EXOC6B: variants seen among roughly 807,000 people sequenced by gnomAD.
The protein encoded by EXOC6B is SEC15 homolog B.
Under a neutral mutation model 113.5 loss-of-function variants are expected in EXOC6B, and 54 were observed. The observed-to-expected ratio is 0.48, with a 90% CI of 0.38 to 0.60. The LOEUF (loss-of-function observed/expected upper bound fraction) is 0.60. Among genes scored for constraint, EXOC6B ranks in the 20% least tolerant of loss-of-function variants. The probability of loss-of-function intolerance (pLI) is 0.00; values close to 1 mark genes in which losing one functional copy is unlikely to be tolerated. For missense variants in EXOC6B, 797 were observed against 977.5 expected (o/e 0.82, Z 2.46); for synonymous variants, 357 against 339.0 (o/e 1.05, Z -0.58).
intron 20 of EXOC6B, among the ~76,000 whole-genome samples, chr2:72,193,151 G>A (rs903418814): frequency 6.6e-5 from 10 of 152,162 alleles, no homozygotes; most frequent in African/African-American, 2.4e-4. Flanking sequence ...AGCAAAAAGA[G>A]TTCCAAGGCT....
intron 18 of EXOC6B, among the ~76,000 whole-genome samples, chr2:72,403,073 T>G (rs1412640022): frequency 6.6e-6 from 1 of 152,214 alleles, no homozygotes; most frequent in African/African-American, 2.4e-5. Flanking sequence ...TATACAGGCT[T>G]GCACTGAGCC....
intron 18 of EXOC6B, among the ~76,000 whole-genome samples, chr2:72,401,577 A>ATATG (rs1693245785): frequency 3.8e-5 from 1 of 26,552 alleles, no homozygotes; most frequent in Admixed American, 5.8e-4. Context: ...ATATATATAT[A>ATATG]TATACATATA....
chr2:72,757,680 T>C (rs1009726429), intron 1 of EXOC6B, among the ~76,000 whole-genome samples: 5 of 152,324 alleles, frequency 3.3e-5, no homozygotes, highest in African/African-American at 1.2e-4. Flanking sequence ...TAAACTCTTT[T>C]GTTCTAGACA....
At chr2:72,699,435 G>A (rs922120631) in intron 6 of EXOC6B, among the ~76,000 whole-genome samples, 6 of 148,672 alleles carry the variant, frequency 4.0e-5, no homozygotes, top group East Asian at 4.0e-4. Flanking sequence ...CCAAGATCGC[G>A]CCACTGCATC....
chr2:72,769,080 C>T (rs551669166), intron 1 of EXOC6B, among the ~76,000 whole-genome samples: 2 of 152,276 alleles, frequency 1.3e-5, no homozygotes, highest in East Asian at 3.9e-4. Flanking sequence ...CTGAACTGTA[C>T]ACTTAAAAAT....
chr2:72,797,730 C>A (rs940992762), intron 1 of EXOC6B, among the ~76,000 whole-genome samples: 2 of 152,172 alleles, frequency 1.3e-5, no homozygotes, highest in African/African-American at 4.8e-5. Flanking sequence ...AAGGGAATCA[C>A]TTGAACCTGG....
intron 17 of EXOC6B, among the ~76,000 whole-genome samples, chr2:72,474,103 G>C (rs1469166813): frequency 6.6e-6 from 1 of 151,628 alleles, no homozygotes; most frequent in Non-Finnish European, 1.5e-5. Context: ...TCACCTCCTG[G>C]CCTGTAAGGT....
intron 6 of EXOC6B, among the ~76,000 whole-genome samples, chr2:72,635,420 T>C (rs1363589738): frequency 2.0e-5 from 3 of 152,162 alleles, no homozygotes; most frequent in Non-Finnish European, 2.9e-5. Context: ...GGGAATGCTA[T>C]GGTAGAAAAG....
At chr2:72,456,485 G>A (rs1001789517) in intron 18 of EXOC6B, among the ~76,000 whole-genome samples, 1 of 152,034 alleles carries the variant, frequency 6.6e-6, no homozygotes, top group Non-Finnish European at 1.5e-5. Context: ...CAGATGAATA[G>A]GACAAGGTCT....
At chr2:72,639,539 C>T (rs889378927) in intron 6 of EXOC6B, among the ~76,000 whole-genome samples, 2 of 152,226 alleles carry the variant, frequency 1.3e-5, no homozygotes, top group African/African-American at 4.8e-5. Context: ...CTGCTGCTGC[C>T]ATCCATGTGC....
chr2:72,218,062 T>C (rs1330907501), intron 20 of EXOC6B, among the ~76,000 whole-genome samples: 2 of 152,186 alleles, frequency 1.3e-5, no homozygotes, highest in Admixed American at 1.3e-4. Context: ...AAGGGCTCTT[T>C]GGAAAAAGGA....
chr2:72,397,908 A>C (rs1285587246), intron 18 of EXOC6B, among the ~76,000 whole-genome samples: 2 of 152,158 alleles, frequency 1.3e-5, no homozygotes, highest in Non-Finnish European at 2.9e-5. Flanking sequence ...ACCATATCTG[A>C]GGTAGAGAAA....
intron 18 of EXOC6B, among the ~76,000 whole-genome samples, chr2:72,458,293 T>C (rs1050721326): frequency 4.6e-5 from 7 of 152,180 alleles, no homozygotes; most frequent in African/African-American, 1.7e-4. Flanking sequence ...AGGCAAATCT[T>C]AGACACAGCT....
At chr2:72,789,237 A>C (rs1339158158) in intron 1 of EXOC6B, among the ~76,000 whole-genome samples, 1 of 152,266 alleles carries the variant, frequency 6.6e-6, no homozygotes, top group Non-Finnish European at 1.5e-5. Context: ...TCTAAGAAGC[A>C]GTATTGACAA....
In EXOC6B at chr2:72,297,276, C is replaced by A. The variant is rs188967916; in HGVS notation, c.2196+37671G>T. 1.5e-3 allele frequency among the ~76,000 whole-genome samples: 226 copies of A among 152,204 alleles called. 3 individuals carry two copies. Among genetic ancestry groups the A allele is most frequent in the Non-Finnish European group, 1.3e-3 (87 of 67,992 alleles). ...GGTAAACTTGTGTCACAGGAGTTTGCAGTATGGATTATTTTGTCACTCAGG... is the reference window on the plus strand; with the variant it reads ...GGTAAACTTGTGTCACAGGAGTTTGAAGTATGGATTATTTTGTCACTCAGG... On this transcript the variant is annotated intron_variant, in intron 20 of 21. Transcript: ENST00000272427.
At chr2:72,667,812 G>C (rs1215126703) in intron 6 of EXOC6B, among the ~76,000 whole-genome samples, 2 of 152,074 alleles carry the variant, frequency 1.3e-5, no homozygotes, top group Non-Finnish European at 2.9e-5. Flanking sequence ...TATTGACCTT[G>C]GCGAAGAATT....
chr2:72,453,037 A>G (rs1437087252), intron 18 of EXOC6B, among the ~76,000 whole-genome samples: 2 of 152,154 alleles, frequency 1.3e-5, no homozygotes, highest in Non-Finnish European at 2.9e-5. Flanking sequence ...ACCTTCCTTT[A>G]GACTTAGAAA....
At chr2:72,616,796 C>T (rs1458770555) in intron 6 of EXOC6B, among the ~76,000 whole-genome samples, 2 of 152,070 alleles carry the variant, frequency 1.3e-5, no homozygotes, top group African/African-American at 4.8e-5. Flanking sequence ...CAGCCCCTCC[C>T]AAATTTCATG....
At chr2:72,456,606 C>T (rs182516578) in intron 18 of EXOC6B, among the ~76,000 whole-genome samples, 132 of 152,184 alleles carry the variant, frequency 8.7e-4, no homozygotes, top group Non-Finnish European at 1.1e-3. Context: ...ACCCTTTCAC[C>T]TATTTGCTGT....
Sources: allele counts gnomAD v4.1 joint callset (sites outside exome capture counted in the v4.1 genomes callset), GRCh38; gene constraint gnomAD v4.1.1; transcripts MANE v1.5; gene names NCBI Gene and HGNC (gene_info 2026-07-23, HGNC 2026-07-21).